Variants in KCNH8 observed in about 807,000 individuals in gnomAD.
The protein encoded by KCNH8 is voltage-gated delayed rectifier potassium channel KCNH8.
KCNH8 carries 70 observed loss-of-function variants against 103.6 expected under a neutral mutation model. The observed-to-expected ratio is 0.68, with a 90% CI of 0.56 to 0.82. The LOEUF is 0.82. KCNH8 is among the 40% of genes least tolerant of loss of function. The pLI, the probability that KCNH8 is intolerant of heterozygous loss-of-function variation, is 0.00. For synonymous variants in KCNH8, 498 were observed against 489.4 expected, an observed-to-expected ratio of 1.02 and a Z score of -0.23; for missense variants, 1,217 against 1,329.9, an observed-to-expected ratio of 0.92 and a Z score of 1.32.
intron 3 of KCNH8, among the ~76,000 whole-genome samples, chr3:19,308,690 CTCTCTCTCTCTCTCTCTCTCTCTCT>C (rs2065163838): frequency 1.4e-5 from 1 of 70,320 alleles, no homozygotes; most frequent in African/African-American, 7.6e-5. Context: ...CTCTCTCTCT[CTCTCTCTCTCTCTCTCTCTCTCTCT>C]CTCCCCCTCT....
intron 1 of KCNH8, among the ~76,000 whole-genome samples, chr3:19,172,011 G>A (rs2063353539): frequency 6.6e-6 from 1 of 152,186 alleles, no homozygotes. Flanking sequence ...AGGAGGGAGT[G>A]ACAAAGACTC....
intron 8 of KCNH8, among the ~76,000 whole-genome samples, chr3:19,448,708 G>A (rs1332130719): frequency 1.3e-5 from 2 of 151,958 alleles, no homozygotes; most frequent in Non-Finnish European, 1.5e-5. Context: ...CTAAGGTTTT[G>A]TACATGTACA....
chr3:19,472,973 A>G (rs1053800864), intron 11 of KCNH8, among the ~76,000 whole-genome samples: 1 of 152,194 alleles, frequency 6.6e-6, no homozygotes, highest in Non-Finnish European at 1.5e-5. Flanking sequence ...ATTTGTTTAT[A>G]TTACCTTATT....
chr3:19,328,503 T>C (rs2065462154), intron 3 of KCNH8, among the ~76,000 whole-genome samples: 1 of 152,168 alleles, frequency 6.6e-6, no homozygotes, highest in Non-Finnish European at 1.5e-5. Flanking sequence ...TGGCAATTTT[T>C]CAATAACAAC....
chr3:19,167,701 G>A (rs886445393), intron 1 of KCNH8, among the ~76,000 whole-genome samples: 1 of 152,154 alleles, frequency 6.6e-6, no homozygotes, highest in African/African-American at 2.4e-5. Context: ...GATAACTATA[G>A]ATTCACATGC....
chr3:19,479,681 A>G lies in KCNH8; in HGVS notation c.2040+22699A>G, dbSNP rs151241328. Reference sequence around the variant, plus strand: ...GGAAGAAACAGATCAGAAATGAGAAAGAGACCTGCTGATTTGCTGTGTCTC... The same window carrying G: ...GGAAGAAACAGATCAGAAATGAGAAGGAGACCTGCTGATTTGCTGTGTCTC... On this transcript the variant is annotated intron_variant, in intron 11 of 15. Coordinates refer to ENST00000328405, the MANE Select transcript of KCNH8 (RefSeq NM_144633.3). Among the ~76,000 whole-genome samples, 897 of 152,298 alleles carry G rather than the reference A, an allele frequency of 5.9e-3. 10 individuals are homozygous for G. The highest frequency in any genetic ancestry group is 0.021 in the African/African-American group (862 of 41,564).
rs541503095 is a variant in KCNH8, at chr3:19,486,156, T to G, written c.2041-24207T>G. ...GCTCCCATCTACATATAACTCCCAGTCTACTGAGATGCCCATGGCTGGTCC... is the reference window on the plus strand; with the variant it reads ...GCTCCCATCTACATATAACTCCCAGGCTACTGAGATGCCCATGGCTGGTCC... On this transcript the variant is annotated intron_variant, in intron 11 of 15. Coordinates refer to ENST00000328405, the MANE Select transcript of KCNH8 (RefSeq NM_144633.3). Among the ~76,000 whole-genome samples, 3 of 152,328 alleles carry G rather than the reference T, an allele frequency of 2.0e-5. No individual in the cohort carries two copies. The South Asian group carries it at 6.2e-4, about 32-fold the overall frequency.
intron 3 of KCNH8, among the ~76,000 whole-genome samples, chr3:19,298,903 C>T (rs533302143): frequency 1.7e-4 from 24 of 137,888 alleles, no homozygotes; most frequent in African/African-American, 6.2e-4. Context: ...GCCTGGGCGA[C>T]CTAGCGAGAC....
chr3:19,473,387 G>C (rs772839276), intron 11 of KCNH8, among the ~76,000 whole-genome samples: 11 of 152,088 alleles, frequency 7.2e-5, no homozygotes, highest in Non-Finnish European at 1.0e-4. Flanking sequence ...CCATACCTTG[G>C]CCATTTGACT....
chr3:19,476,772 G>A (rs1305982114), intron 11 of KCNH8, among the ~76,000 whole-genome samples: 3 of 151,790 alleles, frequency 2.0e-5, no homozygotes, highest in Non-Finnish European at 4.4e-5. Context: ...AATGATATGA[G>A]CCACGTATTA....
chr3:19,517,846 C>G, intron 14 of KCNH8, 152 bp from the exon 15 acceptor site: 1 of 590,928 alleles, frequency 1.7e-6, no homozygotes, highest in Non-Finnish European at 3.0e-6. Flanking sequence ...ATACAAAAAG[C>G]TTGCCTGATC....
chr3:19,266,615 T>A (rs781453077), intron 2 of KCNH8, among the ~76,000 whole-genome samples: 1 of 152,242 alleles, frequency 6.6e-6, no homozygotes. Context: ...AATCTTGTTA[T>A]CTACAGTGCC....
intron 2 of KCNH8, among the ~76,000 whole-genome samples, chr3:19,280,966 G>A (rs961169901): frequency 6.6e-6 from 1 of 152,018 alleles, no homozygotes; most frequent in Non-Finnish European, 1.5e-5. Context: ...ACAGACAAGT[G>A]TTTTTGTTTA....
At chr3:19,333,335 A>G (rs2065536943) in intron 3 of KCNH8, among the ~76,000 whole-genome samples, 1 of 152,216 alleles carries the variant, frequency 6.6e-6, no homozygotes, top group African/African-American at 2.4e-5. Flanking sequence ...GCTTCCATAT[A>G]CTATTAAAAT....
chr3:19,380,340 A>G (rs1489344275), intron 5 of KCNH8, among the ~76,000 whole-genome samples: 1 of 152,208 alleles, frequency 6.6e-6, no homozygotes, highest in African/African-American at 2.4e-5. Context: ...TTGATAGTGT[A>G]TATTTCCAAC....
At chr3:19,471,684 G>A (rs549293089) in intron 11 of KCNH8, among the ~76,000 whole-genome samples, 1 of 152,142 alleles carries the variant, frequency 6.6e-6, no homozygotes, top group Admixed American at 6.5e-5. Context: ...AGAAAAACTG[G>A]TCCAGAATCC....
intron 5 of KCNH8, among the ~76,000 whole-genome samples, chr3:19,362,722 G>A (rs1391842460): frequency 6.6e-6 from 1 of 152,132 alleles, no homozygotes; most frequent in African/African-American, 2.4e-5. Context: ...GGAGTGCAGT[G>A]GCACAATCAC....
Position 19,450,166 on chromosome 3 carries a change from G to C in KCNH8, c.1436G>C (p.Arg479Thr). The change falls in exon 9 of 16, where the codon AGA becomes ACA. Residue 479 changes from arginine (R) to threonine (T), a missense_variant. By Grantham distance (71) the Arg-to-Thr change is moderately conservative. This residue lies in a region of KCNH8 where 415 missense variants were observed against 577.4 expected (regional missense o/e 0.72). Transcript: ENST00000328405. ...GCAATCATACAGAGGATGTACTCCA[G>C]ATGGTCCCTCTATCACACTAGAACT... ...VTAIIQRMYS[R>T]WSLYHTRTKD... 6.2e-7 allele frequency: 1 copy of C among 1,613,572 alleles called. No individual in the cohort carries two copies. The highest frequency in any genetic ancestry group is 1.3e-5 in the African/African-American group (1 of 74,862).
In KCNH8 at chr3:19,281,307, T is replaced by G. The variant is rs1483272729; in HGVS notation, c.420T>G (p.Ile140Met). The G allele has an allele frequency of 6.2e-7, 1 of 1,607,592 alleles. No individual in the cohort carries two copies. The highest frequency in any genetic ancestry group is 1.7e-5 in the Admixed American group (1 of 59,052). ...FKDITDTKVK[I>M]TPEDKKEDKV... ...ATATAACAGATACAAAAGTGAAGATTACTCCAGAAGATAAAAAAGAAGGTT... is the reference window on the plus strand; with the variant it reads ...ATATAACAGATACAAAAGTGAAGATGACTCCAGAAGATAAAAAAGAAGGTT... Residue 140 changes from isoleucine to methionine, a missense_variant, in exon 3 of 16, where the codon ATT becomes ATG. Physicochemically the swap from Ile to Met is conservative, Grantham distance 10 (BLOSUM62 1). Coordinates refer to ENST00000328405, the MANE Select transcript of KCNH8 (RefSeq NM_144633.3).
Sources: allele counts gnomAD v4.1 joint callset (sites outside exome capture counted in the v4.1 genomes callset), GRCh38; gene constraint gnomAD v4.1.1; regional missense constraint gnomAD v4.1.1; transcripts MANE v1.5; gene names NCBI Gene and HGNC (gene_info 2026-07-23, HGNC 2026-07-21).